Variants in RALGAPA2 observed in about 807,000 individuals in gnomAD.
RALGAPA2 encodes the protein Ral GTPase activating protein catalytic subunit alpha 2, also known as ral GTPase-activating protein subunit alpha-2.
Under a neutral mutation model 230.4 loss-of-function variants are expected in RALGAPA2, and 139 were observed. That is an observed-to-expected ratio of 0.60 (90% CI 0.53 to 0.69). The LOEUF (loss-of-function observed/expected upper bound fraction) is 0.69. Ranked by LOEUF, RALGAPA2 falls within the 30% of genes least tolerant of loss-of-function variation. The probability of loss-of-function intolerance (pLI) is 0.00; values close to 1 mark genes in which losing one functional copy is unlikely to be tolerated. For missense variants in RALGAPA2, 2,163 were observed against 2,276.0 expected, an observed-to-expected ratio of 0.95 and a Z score of 1.01; for synonymous variants, 847 against 837.8, an observed-to-expected ratio of 1.01 and a Z score of -0.19.
intron 3 of RALGAPA2, among the ~76,000 whole-genome samples, chr20:20,657,851 A>G (rs1197574978): frequency 6.6e-6 from 1 of 152,228 alleles, no homozygotes; most frequent in Non-Finnish European, 1.5e-5. Context: ...GATTAGATGA[A>G]TGCTTGACAT....
chr20:20,667,879 GC>G (rs2068010359), intron 3 of RALGAPA2, among the ~76,000 whole-genome samples: 1 of 152,128 alleles, frequency 6.6e-6, no homozygotes, highest in African/African-American at 2.4e-5. Flanking sequence ...ATTGTGCATG[GC>G]TTTTCAATTC....
intron 37 of RALGAPA2, among the ~76,000 whole-genome samples, chr20:20,424,144 G>A (rs887040762): frequency 1.3e-5 from 2 of 152,178 alleles, no homozygotes; most frequent in Non-Finnish European, 2.9e-5. Flanking sequence ...TATTAGAAAT[G>A]TTCAAATCAG....
At chr20:20,457,619 G>A (rs1228387753) in intron 37 of RALGAPA2, among the ~76,000 whole-genome samples, 9 of 152,198 alleles carry the variant, frequency 5.9e-5, no homozygotes, top group Admixed American at 1.3e-4. Flanking sequence ...CATGGCTGGC[G>A]TCCTGGTCAG....
intron 18 of RALGAPA2, among the ~76,000 whole-genome samples, chr20:20,585,493 A>T (rs1477298027): frequency 6.6e-6 from 1 of 152,252 alleles, no homozygotes; most frequent in Non-Finnish European, 1.5e-5. Flanking sequence ...ATAAGTTATA[A>T]TTTGCTTGGA....
At chr20:20,568,137 A>AT (rs1486160798) in intron 23 of RALGAPA2, among the ~76,000 whole-genome samples, 1 of 151,970 alleles carries the variant, frequency 6.6e-6, no homozygotes, top group East Asian at 1.9e-4. Context: ...GTCACGCCAA[A>AT]TTTTCTTCAT....
chr20:20,419,327 G>T (rs1271302045), intron 37 of RALGAPA2, among the ~76,000 whole-genome samples: 2 of 152,140 alleles, frequency 1.3e-5, no homozygotes, highest in Non-Finnish European at 2.9e-5. Flanking sequence ...CTAATCAAAT[G>T]AATCTTTTCT....
chr20:20,620,399 T>C, intron 11 of RALGAPA2, 64 bp downstream of exon 11: 1 of 1,523,612 alleles, frequency 6.6e-7, no homozygotes, highest in Admixed American at 1.8e-5. Context: ...GACTCTTGAC[T>C]GAGCAAGTAT....
At chr20:20,597,871 C>A (rs2146171781) in intron 16 of RALGAPA2, among the ~76,000 whole-genome samples, 1 of 152,080 alleles carries the variant, frequency 6.6e-6, no homozygotes, top group Middle Eastern at 3.4e-3. Flanking sequence ...ACAAAAAATA[C>A]TAATCTACAA....
At chr20:20,618,478 GAA>G (rs11310533) in intron 12 of RALGAPA2, among the ~76,000 whole-genome samples, 2 of 146,910 alleles carry the variant, frequency 1.4e-5, no homozygotes, top group Admixed American at 6.8e-5. Context: ...TAATTCACTT[GAA>G]AAAAAAAAGG....
intron 38 of RALGAPA2, among the ~76,000 whole-genome samples, chr20:20,401,389 C>T (rs1307209860): frequency 6.6e-6 from 1 of 152,152 alleles, no homozygotes; most frequent in African/African-American, 2.4e-5. Flanking sequence ...CCTGCTGTGC[C>T]ACCCCCCAAA....
chr20:20,607,907 G>A (rs2065868215), intron 14 of RALGAPA2, among the ~76,000 whole-genome samples: 1 of 152,112 alleles, frequency 6.6e-6, no homozygotes, highest in Non-Finnish European at 1.5e-5. Flanking sequence ...AGAGCAAAAT[G>A]GTAAAATGGT....
In RALGAPA2 at chr20:20,392,073, C is replaced by T. The variant is rs753809250; in HGVS notation, c.*1216G>A. ...CCTGGGGCCTGCGCCAGCAGCTCTT[C>T]GCTGCTGACTGATTTCTCTGCTGCA... On this transcript the variant is annotated 3_prime_UTR_variant, in exon 40 of 40. Coordinates refer to ENST00000202677, the MANE Select transcript of RALGAPA2 (RefSeq NM_020343.4). 7 of 152,272 alleles carry T rather than the reference C, an allele frequency of 4.6e-5. No homozygotes were observed. The highest frequency in any genetic ancestry group is 2.6e-4 in the Admixed American group (4 of 15,292). 9.4% of individuals were successfully genotyped at this position (152,272 alleles called of 1,614,324 possible).
chr20:20,655,110 T>C (rs1183386294), intron 3 of RALGAPA2, among the ~76,000 whole-genome samples: 2 of 152,206 alleles, frequency 1.3e-5, no homozygotes, highest in African/African-American at 4.8e-5. Flanking sequence ...AGGTATCTCA[T>C]ATCTAATGTT....
chr20:20,631,768 G>A (rs185918138), intron 9 of RALGAPA2, among the ~76,000 whole-genome samples: 9 of 152,334 alleles, frequency 5.9e-5, no homozygotes, highest in Non-Finnish European at 1.3e-4. Flanking sequence ...ACAACTTACT[G>A]TGAGGTATAG....
intron 37 of RALGAPA2, among the ~76,000 whole-genome samples, chr20:20,454,522 C>T (rs988906698): frequency 6.6e-6 from 1 of 152,120 alleles, no homozygotes; most frequent in African/African-American, 2.4e-5. Flanking sequence ...TACGTTGTAT[C>T]CTGAAATCCA....
chr20:20,513,601 C>T (rs2062782205), intron 31 of RALGAPA2, among the ~76,000 whole-genome samples: 1 of 152,136 alleles, frequency 6.6e-6, no homozygotes, highest in Non-Finnish European at 1.5e-5. Flanking sequence ...GAGACAGAAA[C>T]AGTCTCTCTC....
chr20:20,657,689 G>A (rs1207611236), intron 3 of RALGAPA2, among the ~76,000 whole-genome samples: 1 of 152,126 alleles, frequency 6.6e-6, no homozygotes, highest in African/African-American at 2.4e-5. Context: ...AAACGGCACA[G>A]CAGTAACTTG....
At chr20:20,538,589 TATTTCCCA>T (rs1285243193) in intron 24 of RALGAPA2, among the ~76,000 whole-genome samples, 1 of 152,252 alleles carries the variant, frequency 6.6e-6, no homozygotes, top group African/African-American at 2.4e-5. Context: ...TGAAGAAGTG[TATTTCCCA>T]AAATTATTTG....
chr20:20,615,403 C>A (rs1463798540), intron 13 of RALGAPA2, among the ~76,000 whole-genome samples: 19 of 152,028 alleles, frequency 1.2e-4, no homozygotes, highest in Non-Finnish European at 5.9e-5. Flanking sequence ...ATCAGATGAT[C>A]CACCCACCTC....
Sources: allele counts gnomAD v4.1 joint callset (sites outside exome capture counted in the v4.1 genomes callset), GRCh38; gene constraint gnomAD v4.1.1; transcripts MANE v1.5; gene names NCBI Gene and HGNC (gene_info 2026-07-23, HGNC 2026-07-21).